The following KIF1A variants were observed in gnomAD, a reference collection of about 807,000 sequenced individuals.
The protein encoded by KIF1A is kinesin-like protein KIF1A.
KIF1A carries 46 observed loss-of-function variants against 227.3 expected under a neutral mutation model. That is an observed-to-expected ratio of 0.20 (90% confidence interval 0.16 to 0.26). KIF1A has a LOEUF of 0.26. Among genes scored for constraint, KIF1A ranks in the 10% least tolerant of loss-of-function variants. The probability of loss-of-function intolerance (pLI) is 1.00; values close to 1 mark genes in which losing one functional copy is unlikely to be tolerated. For missense variants in KIF1A, 1,683 were observed against 2,485.9 expected (o/e 0.68, Z 6.87); for synonymous variants, 1,022 against 1,012.8 (o/e 1.01, Z -0.17).
intron 28 of KIF1A, among the ~76,000 whole-genome samples, 155 bp downstream of exon 28, chr2:240,750,274 G>A (rs1032862159): frequency 6.6e-6 from 1 of 152,092 alleles, no homozygotes; most frequent in African/African-American, 2.4e-5. Context: ...GCTTCAGGTT[G>A]ACCCCAGGGA....
intron 15 of KIF1A, 69 bp from the exon 16 acceptor site, chr2:240,769,775 G>T: frequency 7.6e-7 from 1 of 1,319,422 alleles, no homozygotes; most frequent in Non-Finnish European, 1.1e-6. Context: ...TGGAGACACG[G>T]GTGCCAGGAG....
At chr2:240,769,568 A>T in intron 16 of KIF1A, 59 bp downstream of exon 16, 1 of 1,436,684 alleles carries the variant, frequency 7.0e-7, no homozygotes, top group South Asian at 1.2e-5. Flanking sequence ...CATCCTGCCC[A>T]GGCTCCGGGC....
chr2:240,811,086 G>A (rs1240014356), intron 1 of KIF1A, among the ~76,000 whole-genome samples: 4 of 152,230 alleles, frequency 2.6e-5, no homozygotes, highest in African/African-American at 4.8e-5. Flanking sequence ...TATTGGCCGC[G>A]TGCAGTGGCT....
At position 240,736,477 on chromosome 2, in the gene KIF1A, C is replaced by A. The variant is rs1370386216; in HGVS notation, c.4007+586G>T. Among the ~76,000 whole-genome samples, 1 of 152,216 alleles carries A rather than the reference C, an allele frequency of 6.6e-6. No individual in the cohort carries two copies. On this transcript the variant is annotated intron_variant, in intron 38 of 48. Coordinates refer to ENST00000498729, the MANE Select transcript of KIF1A (RefSeq NM_001244008.2). This position sits in a 1 kb window ranked among gnomAD's most constrained non-coding sequence, Gnocchi z 4.7. ...CGCAGGGGCTGCCTCCCTCTCCCAT[C>A]CCCTAACCCCAGCAGACCCCGATAG...
chr2:240,718,196 G>C, intron 47 of KIF1A, 28 bp from the exon 48 acceptor site: 1 of 1,480,874 alleles, frequency 6.8e-7, no homozygotes, highest in Non-Finnish European at 9.3e-7. Flanking sequence ...TGGTGAGGAG[G>C]TGCCAGGCTC....
chr2:240,722,525 C>G lies in KIF1A; in HGVS notation c.4596G>C (p.Pro1532=), dbSNP rs952512510. The G allele has an allele frequency of 6.5e-7, 1 of 1,548,340 alleles. No individual in the cohort carries two copies. The highest frequency in any genetic ancestry group is 2.4e-5 in the East Asian group (1 of 41,058). The part of the protein sequence containing the change: ...ESHGSSSASS[P]LSAEGRPSPL... ...GTGATGGGCGGCCCTCAGCCGAGAG[C>G]GGGGAGGAGGCGCTGGAGGAGCCAT... Residue 1532 remains proline, a synonymous_variant, in exon 43 of 49, where the codon CCG becomes CCC. Coordinates refer to ENST00000498729, the MANE Select transcript of KIF1A (RefSeq NM_001244008.2).
upstream of KIF1A, among the ~76,000 whole-genome samples, chr2:240,820,593 C>G (rs2058655847): frequency 6.6e-6 from 1 of 151,286 alleles, no homozygotes; most frequent in Non-Finnish European, 1.5e-5. The surrounding 1 kb of genome is among the most constrained non-coding windows in gnomAD (Gnocchi z 6.2). Context: ...GGCCGTCCCC[C>G]ACCCTGGCCC....
chr2:240,786,294 G>A, intron 6 of KIF1A, 41 bp downstream of exon 6: 2 of 1,591,484 alleles, frequency 1.3e-6, no homozygotes, highest in Non-Finnish European at 1.7e-6. Flanking sequence ...AGAGGCGGCA[G>A]GACAGGAGGG....
chr2:240,790,773 G>C lies in KIF1A; in HGVS notation c.107-1461C>G, dbSNP rs2055567261. 6.6e-6 allele frequency among the ~76,000 whole-genome samples: 1 copy of C among 152,020 alleles called. No individual in the cohort carries two copies. The highest frequency in any genetic ancestry group is 2.4e-5 in the African/African-American group (1 of 41,400). ...AGAGATCAGGGTGATGACAAGCTAG[G>C]AACACCAGAAGCAGCCGGCAAGCCC... On this transcript the variant is annotated intron_variant, in intron 2 of 48. Transcript: ENST00000498729. This position sits in a 1 kb window ranked among gnomAD's most constrained non-coding sequence, Gnocchi z 5.0.
intron 48 of KIF1A, among the ~76,000 whole-genome samples, 175 bp downstream of exon 48, chr2:240,717,875 C>T (rs2044746612): frequency 6.6e-6 from 1 of 152,218 alleles, no homozygotes. Flanking sequence ...CCTGGCAGAG[C>T]AACCGCACCC....
Position 240,778,182 on chromosome 2 carries a change from G to A in KIF1A, c.883-2256C>T, listed in dbSNP as rs975565104. 5.9e-5 allele frequency among the ~76,000 whole-genome samples: 9 copies of A among 151,980 alleles called. No homozygotes were observed. Among genetic ancestry groups the A allele is most frequent in the Admixed American group, 3.3e-4 (5 of 15,262 alleles). ...TCACTCGAATGCGGACCCCACCCAC[G>A]GGATGGCTGCCGGTCACACCATTCA... On this transcript the variant is annotated intron_variant, in intron 10 of 48. Transcript: ENST00000498729. This position sits in a 1 kb window ranked among gnomAD's most constrained non-coding sequence, Gnocchi z 7.2.
In KIF1A at chr2:240,716,602, T is replaced by A. The variant is rs967227544; in HGVS notation, c.*762A>T. 6.6e-6 allele frequency: 1 copy of A among 152,228 alleles called. No individual in the cohort carries two copies. Among genetic ancestry groups the A allele is most frequent in the African/African-American group, 2.4e-5 (1 of 41,382 alleles). The allele number at this position is 152,228 out of a possible 1,614,324, so 9.4% of individuals were successfully genotyped here. Reference sequence around the variant, plus strand: ...CTTTCCTGGGGAAAGCTGCCGGAACTCTTCTTGGAGTCACTCCTCAGGTGG... The same window carrying A: ...CTTTCCTGGGGAAAGCTGCCGGAACACTTCTTGGAGTCACTCCTCAGGTGG... On this transcript the variant is annotated 3_prime_UTR_variant, in exon 49 of 49. Coordinates refer to ENST00000498729, the MANE Select transcript of KIF1A (RefSeq NM_001244008.2).
intron 44 of KIF1A, 56 bp from the exon 45 acceptor site, chr2:240,721,094 G>A: frequency 2.5e-6 from 4 of 1,598,530 alleles, no homozygotes; most frequent in Non-Finnish European, 3.4e-6. Context: ...TCCGGCCTCT[G>A]TGGGAGCTGC....
At chr2:240,743,845 G>T (rs972014864) in intron 33 of KIF1A, 97 bp downstream of exon 33, 17 of 818,964 alleles carry the variant, frequency 2.1e-5, no homozygotes, top group East Asian at 1.7e-4. Context: ...GTTTCAGGGG[G>T]TGCATAGGCT....
intron 44 of KIF1A, 146 bp from the exon 45 acceptor site, chr2:240,721,184 C>T (rs1468756517): frequency 3.7e-6 from 4 of 1,078,008 alleles, no homozygotes; most frequent in Non-Finnish European, 4.0e-6. Flanking sequence ...TCAAAGTTGG[C>T]CAGCTCAAGA....
At position 240,773,106 on chromosome 2, in the gene KIF1A, G is replaced by A. The variant is rs2052235430; in HGVS notation, c.1180+8C>T. Reference sequence around the variant, plus strand: ...CCCTGTCCAGGACAGGCTGGAGCAGGCACTCACTGTCAGTGATGTCGCCAA... The same window carrying A: ...CCCTGTCCAGGACAGGCTGGAGCAGACACTCACTGTCAGTGATGTCGCCAA... On this transcript the variant is annotated splice_region_variant and intron_variant, in intron 13 of 48. Transcript: ENST00000498729. 3 of 1,608,178 alleles carry A rather than the reference G, an allele frequency of 1.9e-6. No homozygotes were observed. Among genetic ancestry groups the A allele is most frequent in the Admixed American group, 1.7e-5 (1 of 59,166 alleles).
At chr2:240,777,039 GTTTTGT>G (rs749970772) in intron 10 of KIF1A, among the ~76,000 whole-genome samples, 2 of 152,054 alleles carry the variant, frequency 1.3e-5, no homozygotes, top group African/African-American at 4.8e-5. Flanking sequence ...TTTTTCTTTT[GTTTTGT>G]TTTTGTTTTT....
intron 40 of KIF1A, 91 bp from the exon 41 acceptor site, chr2:240,724,127 A>C: frequency 2.7e-6 from 3 of 1,100,284 alleles, no homozygotes; most frequent in Non-Finnish European, 4.2e-6. Context: ...CCACTATCAA[A>C]CGCACAGTCA....
chr2:240,731,519 A>G (rs1041751360), intron 38 of KIF1A, among the ~76,000 whole-genome samples: 2 of 152,092 alleles, frequency 1.3e-5, no homozygotes, highest in African/African-American at 4.8e-5. Flanking sequence ...ACTGCTCCCC[A>G]CCACCTCCAC....
Sources: allele counts gnomAD v4.1 joint callset (sites outside exome capture counted in the v4.1 genomes callset), GRCh38; gene constraint gnomAD v4.1.1; non-coding constraint Gnocchi (gnomAD v3.1); transcripts MANE v1.5; gene names NCBI Gene and HGNC (gene_info 2026-07-23, HGNC 2026-07-21).